Variants in LOXL2 observed in about 807,000 individuals in gnomAD.
LOXL2 encodes the protein lysyl oxidase homolog 2.
Under a neutral mutation model 93.0 loss-of-function variants are expected in LOXL2, and 70 were observed. That is an observed-to-expected ratio of 0.75 (90% CI 0.62 to 0.92). LOXL2 has a LOEUF of 0.92. Ranked by LOEUF, LOXL2 falls within the 40% of genes least tolerant of loss-of-function variation. The probability of loss-of-function intolerance (pLI) is 0.00; values close to 1 mark genes in which losing one functional copy is unlikely to be tolerated. For missense variants in LOXL2, 973 were observed against 1,054.9 expected, an observed-to-expected ratio of 0.92 and a Z score of 1.08; for synonymous variants, 438 against 413.2, an observed-to-expected ratio of 1.06 and a Z score of -0.73.
At chr8:23,330,121 T>C (rs564991224) in intron 5 of LOXL2, among the ~76,000 whole-genome samples, 5 of 151,110 alleles carry the variant, frequency 3.3e-5, no homozygotes, top group South Asian at 4.2e-4. Flanking sequence ...GTCAGGAGAT[T>C]GAGACCATCC....
chr8:23,319,537 G>A (rs564840060), intron 8 of LOXL2, among the ~76,000 whole-genome samples: 1 of 152,320 alleles, frequency 6.6e-6, no homozygotes, highest in East Asian at 1.9e-4. Flanking sequence ...CCGAAGGACT[G>A]AGTTGGTTCC....
intron 3 of LOXL2, among the ~76,000 whole-genome samples, chr8:23,357,666 T>C (rs980390063): frequency 8.6e-5 from 13 of 151,230 alleles, no homozygotes; most frequent in African/African-American, 2.9e-4. Flanking sequence ...TTTCAAGCCA[T>C]CAATGATCAA....
At chr8:23,357,419 GA>G (rs1804218357) in intron 3 of LOXL2, among the ~76,000 whole-genome samples, 1 of 152,074 alleles carries the variant, frequency 6.6e-6, no homozygotes, top group Non-Finnish European at 1.5e-5. Flanking sequence ...TTCTGCTTTT[GA>G]AATGACCCAT....
intron 8 of LOXL2, among the ~76,000 whole-genome samples, chr8:23,318,530 C>T (rs1444210278): frequency 1.3e-5 from 2 of 152,020 alleles, no homozygotes; most frequent in Non-Finnish European, 2.9e-5. Flanking sequence ...CACCTCCATC[C>T]TCCAGATGAA....
chr8:23,301,813 G>A (rs1198190679), intron 12 of LOXL2, among the ~76,000 whole-genome samples: 1 of 152,198 alleles, frequency 6.6e-6, no homozygotes, highest in Non-Finnish European at 1.5e-5. Context: ...AATGCCTGTG[G>A]TGTCTCTGGT....
chr8:23,358,479 G>A (rs559228117), intron 3 of LOXL2, among the ~76,000 whole-genome samples: 1 of 152,350 alleles, frequency 6.6e-6, no homozygotes, highest in South Asian at 2.1e-4. Flanking sequence ...TTAGTGCTGG[G>A]TTCAGCTGGA....
In LOXL2 at chr8:23,301,079, G is replaced by C. The variant is rs559909163; in HGVS notation, c.2133+948C>G. On this transcript the variant is annotated intron_variant, in intron 12 of 13. Transcript: ENST00000389131. ...GAAGGTGTTGTTTCTTCAGAGGACT[G>C]TCTGTAGGTGGGGACCGTGGGCCAG... 5.3e-5 allele frequency among the ~76,000 whole-genome samples: 8 copies of C among 152,342 alleles called. No individual in the cohort carries two copies. The South Asian group carries it at 1.2e-3, about 24-fold the overall frequency.
At chr8:23,373,253 C>T (rs921952466) in intron 1 of LOXL2, among the ~76,000 whole-genome samples, 2 of 152,246 alleles carry the variant, frequency 1.3e-5, no homozygotes, top group East Asian at 1.9e-4. Flanking sequence ...AGCTGGAGTT[C>T]GCCTACAAGG....
At chr8:23,330,300 T>G (rs1380686135) in intron 5 of LOXL2, among the ~76,000 whole-genome samples, 1 of 152,154 alleles carries the variant, frequency 6.6e-6, no homozygotes, top group African/African-American at 2.4e-5. Context: ...CGCCACTGCA[T>G]TCTGGCCTGG....
At chr8:23,341,290 A>G (rs1803879312) in intron 3 of LOXL2, 87 bp from the exon 4 acceptor site, 7 of 1,127,676 alleles carry the variant, frequency 6.2e-6, no homozygotes, top group African/African-American at 1.5e-5. Flanking sequence ...TTTAGCGACT[A>G]TGGGCCAGGC....
intron 9 of LOXL2, among the ~76,000 whole-genome samples, chr8:23,315,261 A>T (rs1312472410): frequency 6.6e-6 from 1 of 152,144 alleles, no homozygotes; most frequent in Non-Finnish European, 1.5e-5. Context: ...GAAGAGGGAG[A>T]ATCAAGGAGG....
intron 1 of LOXL2, among the ~76,000 whole-genome samples, chr8:23,384,957 CAGTGAATT>C (rs149365931): frequency 6.6e-6 from 1 of 152,058 alleles, no homozygotes. Flanking sequence ...TCAACATGGA[CAGTGAATT>C]AGTGAATTAG....
intron 6 of LOXL2, among the ~76,000 whole-genome samples, chr8:23,324,504 G>C (rs1475336845): frequency 1.2e-4 from 19 of 152,178 alleles, no homozygotes; most frequent in Non-Finnish European, 2.9e-5. Context: ...TGGCTTCAGC[G>C]TCTGGGTGTC....
intron 2 of LOXL2, 67 bp from the exon 3 acceptor site, chr8:23,360,332 C>T (rs181154195): frequency 2.1e-4 from 262 of 1,227,802 alleles, no homozygotes; most frequent in Admixed American, 3.3e-4. Context: ...TTGCGGGGCA[C>T]CAGTGTCTCA....
intron 1 of LOXL2, chr8:23,402,584 C>G (rs1204071281): frequency 6.6e-6 from 1 of 152,196 alleles, no homozygotes; most frequent in Non-Finnish European, 1.5e-5. Flanking sequence ...AAACCCCAAC[C>G]CTGACCATTA....
chr8:23,342,073 G>T (rs369705224), intron 3 of LOXL2, among the ~76,000 whole-genome samples: 1 of 152,204 alleles, frequency 6.6e-6, no homozygotes, highest in Non-Finnish European at 1.5e-5. Flanking sequence ...AGTGGAGGAG[G>T]GCTGGAGGGG....
chr8:23,379,803 G>A (rs1225029626), intron 1 of LOXL2, among the ~76,000 whole-genome samples: 2 of 152,170 alleles, frequency 1.3e-5, no homozygotes, highest in African/African-American at 4.8e-5. Context: ...CAGTATTAGG[G>A]TGGGAGTGAC....
At chr8:23,322,430 C>T in intron 6 of LOXL2, 149 bp from the exon 7 acceptor site, 1 of 635,274 alleles carries the variant, frequency 1.6e-6, no homozygotes, top group East Asian at 2.8e-5. Flanking sequence ...ACCCAAGCCT[C>T]TTCTCCCCAG....
At chr8:23,383,724 A>G (rs13439863) in intron 1 of LOXL2, among the ~76,000 whole-genome samples, 6,570 of 138,428 alleles carry the variant, frequency 0.047, 330 homozygotes, top group East Asian at 0.13. Context: ...GCAGTGGCGC[A>G]ATCTCGGCTC....
Sources: allele counts gnomAD v4.1 joint callset (sites outside exome capture counted in the v4.1 genomes callset), GRCh38; gene constraint gnomAD v4.1.1; transcripts MANE v1.5; gene names NCBI Gene and HGNC (gene_info 2026-07-23, HGNC 2026-07-21).